Variants in NDUFS7 observed in about 807,000 individuals in gnomAD.
The protein encoded by NDUFS7 is NADH:ubiquinone oxidoreductase core subunit S7.
A neutral mutation model predicts 31.1 loss-of-function variants in NDUFS7; 11 were observed. The observed-to-expected ratio is 0.35, with a 90% confidence interval of 0.22 to 0.59. The LOEUF is 0.59. Among genes scored for constraint, NDUFS7 ranks in the 20% least tolerant of loss-of-function variants. The probability of loss-of-function intolerance (pLI) is 0.79; values close to 1 mark genes in which losing one functional copy is unlikely to be tolerated. For missense variants in NDUFS7, 263 were observed against 324.2 expected, an observed-to-expected ratio of 0.81 and a Z score of 1.45; for synonymous variants, 136 against 127.9, an observed-to-expected ratio of 1.06 and a Z score of -0.43.
chr19:1,389,140 CAT>C lies in NDUFS7; in HGVS notation c.228+205_228+206del, dbSNP rs773203000. On this transcript the variant is annotated intron_variant, in intron 4 of 7. Coordinates refer to ENST00000233627, the MANE Select transcript of NDUFS7 (RefSeq NM_024407.5). ...CACGCACACTCACGCACACAATGCA[CAT>C]ATGCACACTCGCACACATGCACACT... 43 of 703,790 alleles carry C rather than the reference CAT, an allele frequency of 6.1e-5. No individual in the cohort carries two copies. In the East Asian group the frequency reaches 8.9e-4, roughly 15 times the overall value. 43.6% of individuals were successfully genotyped at this position (703,790 alleles called of 1,614,324 possible). A position where few individuals can be genotyped will look rare whatever the true frequency, so the allele number is the denominator to read the frequency against.
chr19:1,388,454 A>G (rs1018931190), intron 2 of NDUFS7, 71 bp from the exon 3 acceptor site: 23 of 1,405,158 alleles, frequency 1.6e-5, no homozygotes, highest in Non-Finnish European at 2.2e-5. Context: ...GAGGCAGGAC[A>G]ACAGTGAGTG....
At position 1,395,488 on chromosome 19, in the gene NDUFS7, GCGC is replaced by G. The variant is rs3065757; in HGVS notation, c.*18_*20del. 597 of 1,572,230 alleles carry G rather than the reference GCGC, an allele frequency of 3.8e-4. No homozygotes were observed. The highest frequency in any genetic ancestry group is 3.7e-4 in the Non-Finnish European group (426 of 1,160,354). Reference sequence around the variant, plus strand: ...GGCTGCAGATCTGGTACCGCAGGTAGCGCCGCCGCCGCCGCCGCCGGAGCCTGT... The same window carrying G: ...GGCTGCAGATCTGGTACCGCAGGTAGCGCCGCCGCCGCCGCCGGAGCCTGT... On this transcript the variant is annotated 3_prime_UTR_variant, in exon 8 of 8. Transcript: ENST00000233627.
rs2082587668 is a variant in NDUFS7 at position 1,395,164 on chromosome 19, AC to A, written c.545-226del. On this transcript the variant is annotated intron_variant, in intron 7 of 7. Coordinates refer to ENST00000233627, the MANE Select transcript of NDUFS7 (RefSeq NM_024407.5). ...TCCCTGTGACAGCCCGGGATGAGCC[AC>A]GGGTGGAGGGCAGTGGGGCCTTGCC... 4 of 1,412,962 alleles carry A rather than the reference AC, an allele frequency of 2.8e-6. No homozygotes were observed. The South Asian group carries it at 6.1e-5, about 21-fold the overall frequency. The allele number at this position is 1,412,962 out of a possible 1,614,324, so 87.5% of individuals were successfully genotyped here. A position where few individuals can be genotyped will look rare whatever the true frequency, so the allele number is the denominator to read the frequency against.
chr19:1,389,247 T>G (rs753157648), intron 4 of NDUFS7: 3 of 654,464 alleles, frequency 4.6e-6, no homozygotes, highest in East Asian at 5.9e-5. Flanking sequence ...TCATGCACAC[T>G]CATGCGCACA....
At chr19:1,387,285 A>C in intron 1 of NDUFS7, 2 of 176,584 alleles carry the variant, frequency 1.1e-5, no homozygotes, top group South Asian at 1.2e-4. Context: ...GTGCCCAGGG[A>C]GGCCCCAGCA....
At chr19:1,384,269 G>A in intron 1 of NDUFS7, 1 of 416,494 alleles carries the variant, frequency 2.4e-6, no homozygotes, top group Non-Finnish European at 4.2e-6. Flanking sequence ...CTCTTGAGAT[G>A]CCCTGGAGAG....
At chr19:1,385,166 A>T (rs1014817447) in intron 1 of NDUFS7, among the ~76,000 whole-genome samples, 2 of 152,186 alleles carry the variant, frequency 1.3e-5, no homozygotes, top group African/African-American at 4.8e-5. Context: ...AAAGACATAT[A>T]TATTTTTTTA....
At chr19:1,388,430 C>A in intron 2 of NDUFS7, 95 bp from the exon 3 acceptor site, 3 of 1,159,836 alleles carry the variant, frequency 2.6e-6, no homozygotes, top group Non-Finnish European at 3.8e-6. Context: ...AACAGTCTCG[C>A]AGCAGGGAGG....
intron 4 of NDUFS7, chr19:1,389,152 CGCACACATGCACACTT>C (rs1010838795): frequency 1.0e-4 from 70 of 701,264 alleles, no homozygotes; most frequent in Non-Finnish European, 1.6e-4. Flanking sequence ...TATGCACACT[CGCACACATGCACACTT>C]GCACACACAT....
In NDUFS7 at chr19:1,387,923, G is replaced by A. The variant is rs1238496815; in HGVS notation, c.53+76G>A. 7 of 436,176 alleles carry A rather than the reference G, an allele frequency of 1.6e-5. 2 individuals are homozygous for A. The highest frequency in any genetic ancestry group is 5.2e-5 in the Admixed American group (2 of 38,312). 27.0% of individuals were successfully genotyped at this position (436,176 alleles called of 1,614,324 possible). On this transcript the variant is annotated intron_variant, in intron 2 of 7. Transcript: ENST00000233627. ...CAGACGAACGGGGCGGGGGGGGTGG[G>A]GGGTGGGGGGAGCGCCTTGTTGAAG... is the stretch of plus-strand genomic sequence containing the variant.
At chr19:1,385,988 T>G (rs1326546914) in intron 1 of NDUFS7, among the ~76,000 whole-genome samples, 1 of 152,200 alleles carries the variant, frequency 6.6e-6, no homozygotes, top group African/African-American at 2.4e-5. Context: ...AGCCTGGGGC[T>G]GGGCAGTTAG....
intron 7 of NDUFS7, chr19:1,394,645 G>A (rs1391114232): frequency 1.6e-6 from 2 of 1,226,384 alleles, no homozygotes; most frequent in Non-Finnish European, 2.1e-6. Context: ...CTCCCTCCCT[G>A]GGGACCTCGC....
chr19:1,395,347 G>C, intron 7 of NDUFS7, 44 bp from the exon 8 acceptor site: 1 of 1,577,238 alleles, frequency 6.3e-7, no homozygotes, highest in Admixed American at 1.9e-5. Context: ...GCGGTCACGC[G>C]GGCTCCGGCT....
At chr19:1,389,272 C>T (rs565993007) in intron 4 of NDUFS7, 32 of 607,730 alleles carry the variant, frequency 5.3e-5, no homozygotes, top group Middle Eastern at 2.9e-4. Context: ...CACATGCACA[C>T]GCACACTCGC....
intron 1 of NDUFS7, 194 bp downstream of exon 1, chr19:1,384,136 A>T: frequency 1.6e-6 from 1 of 619,234 alleles, no homozygotes; most frequent in Admixed American, 4.1e-5. Context: ...TCCAGAGTAC[A>T]GTCGGGGAAA....
At position 1,391,034 on chromosome 19, in the gene NDUFS7, C is replaced by T. The variant is rs1165465783; in HGVS notation, c.392C>T (p.Ala131Val). Residue 131 changes from alanine to valine, a missense_variant, in exon 5 of 8, where the codon GCC becomes GTC. Coordinates refer to ENST00000233627, the MANE Select transcript of NDUFS7 (RefSeq NM_024407.5). ...IVAGTLTNKMAPALRKVYDQM... is the reference protein window; with the variant it reads ...IVAGTLTNKMVPALRKVYDQM... ...GCCGGCACACTCACCAACAAGATGG[C>T]CCCAGCGCTTCGCAAGGTAGGCCTC... 6.2e-7 allele frequency: 1 copy of T among 1,613,432 alleles called. No individual in the cohort carries two copies. The highest frequency in any genetic ancestry group is 1.1e-5 in the South Asian group (1 of 91,080).
Position 1,384,881 on chromosome 19 carries a change from G to A in NDUFS7, c.16+939G>A, listed in dbSNP as rs142817053. Among the ~76,000 whole-genome samples, 403 of 152,288 alleles carry A rather than the reference G, an allele frequency of 2.6e-3. 1 individual carries two copies. Among genetic ancestry groups the A allele is most frequent in the African/African-American group, 9.1e-3 (378 of 41,572 alleles). On this transcript the variant is annotated intron_variant, in intron 1 of 7. Transcript: ENST00000233627. ...GACTGGAGTGCAGTGGTGCCATCTT[G>A]GCTCATCACTGCAACCTGTGCCTCC...
intron 7 of NDUFS7, chr19:1,394,639 C>T: frequency 1.6e-6 from 2 of 1,231,538 alleles, no homozygotes; most frequent in Non-Finnish European, 1.0e-6. Flanking sequence ...GCGCTCCTCC[C>T]TCCCTGGGGA....
At chr19:1,389,258 T>C (rs1248409669) in intron 4 of NDUFS7, 11 of 635,564 alleles carry the variant, frequency 1.7e-5, no homozygotes, top group Middle Eastern at 2.9e-4. Flanking sequence ...CATGCGCACA[T>C]ATACACATGC....
Sources: gnomAD v4.1 joint callset for allele counts (sites outside exome capture counted in the v4.1 genomes callset) on GRCh38, gnomAD v4.1.1 for gene constraint, MANE v1.5 for transcripts, NCBI Gene and HGNC (gene_info 2026-07-23, HGNC 2026-07-21) for gene names.